Variants in EXOSC10 observed in about 807,000 individuals in gnomAD.
EXOSC10 encodes the protein exosome complex component 10.
A neutral mutation model predicts 126.6 loss-of-function variants in EXOSC10; 94 were observed. The observed-to-expected ratio is 0.74, with a 90% CI of 0.63 to 0.88. EXOSC10 has a LOEUF of 0.88. Among genes scored for constraint, EXOSC10 ranks in the 40% least tolerant of loss-of-function variants. The pLI is 0.00. For missense variants in EXOSC10, 1,041 were observed against 1,100.5 expected, an observed-to-expected ratio of 0.95 and a Z score of 0.77; for synonymous variants, 395 against 400.8, an observed-to-expected ratio of 0.99 and a Z score of 0.17.
chr1:11,082,557 C>G, intron 10 of EXOSC10, 131 bp downstream of exon 10: 2 of 1,508,634 alleles, frequency 1.3e-6, no homozygotes, highest in Non-Finnish European at 1.8e-6. Context: ...CTGAAGATGC[C>G]TGGCGAAAAG....
At chr1:11,088,219 G>A (rs1340141333) in intron 6 of EXOSC10, 21 bp from the exon 7 acceptor site, 2 of 1,560,816 alleles carry the variant, frequency 1.3e-6, no homozygotes, top group Admixed American at 1.8e-5. Flanking sequence ...AAAACAAAAA[G>A]AGAAATCATT....
intron 21 of EXOSC10, among the ~76,000 whole-genome samples, chr1:11,070,183 G>C (rs1369210411): frequency 2.0e-5 from 3 of 149,152 alleles, no homozygotes; most frequent in Non-Finnish European, 4.4e-5. Flanking sequence ...GCTGCAATGA[G>C]CTATAATTGC....
chr1:11,068,889 T>C (rs1335369481), intron 22 of EXOSC10, 183 bp from the exon 23 acceptor site: 2 of 607,022 alleles, frequency 3.3e-6, no homozygotes, highest in Non-Finnish European at 5.9e-6. Context: ...CTGGTCCCTG[T>C]GGGCAGTCTG....
At chr1:11,098,662 T>A (rs1170731970) in intron 1 of EXOSC10, among the ~76,000 whole-genome samples, 2 of 152,248 alleles carry the variant, frequency 1.3e-5, no homozygotes, top group Non-Finnish European at 2.9e-5. Context: ...TGTGTTTTCA[T>A]CTGGATGAGC....
intron 12 of EXOSC10, 78 bp downstream of exon 12, chr1:11,080,686 G>C: frequency 6.3e-7 from 1 of 1,599,356 alleles, no homozygotes; most frequent in Non-Finnish European, 8.5e-7. Flanking sequence ...CATAGCAAAA[G>C]AAAAAAGCCC....
intron 9 of EXOSC10, among the ~76,000 whole-genome samples, chr1:11,086,442 G>A (rs1206189773): frequency 6.6e-6 from 1 of 152,174 alleles, no homozygotes. Context: ...ATGGTAGTTT[G>A]TATTTCTGTG....
intron 18 of EXOSC10, 53 bp downstream of exon 18, chr1:11,074,178 C>G (rs562460034): frequency 6.8e-7 from 1 of 1,472,092 alleles, no homozygotes; most frequent in Non-Finnish European, 9.5e-7. Flanking sequence ...AAAGCATGTA[C>G]AGCTGTAGGC....
chr1:11,096,146 G>A (rs1053954756), intron 2 of EXOSC10, among the ~76,000 whole-genome samples: 15 of 152,036 alleles, frequency 9.9e-5, no homozygotes, highest in Admixed American at 3.9e-4. Context: ...AACAGGTCTG[G>A]TTAATTTTTG....
intron 2 of EXOSC10, among the ~76,000 whole-genome samples, chr1:11,097,356 T>C (rs1257031400): frequency 7.1e-6 from 1 of 141,182 alleles, no homozygotes; most frequent in Non-Finnish European, 1.5e-5. Context: ...CCAGCCTGGG[T>C]GATGGAGCGA....
chr1:11,077,792 C>A (rs552908186), intron 14 of EXOSC10, 141 bp from the exon 15 acceptor site: 5 of 642,780 alleles, frequency 7.8e-6, no homozygotes, highest in Non-Finnish European at 1.1e-5. Flanking sequence ...TCACTCCTTA[C>A]AGTGCCTGGC....
At chr1:11,098,250 T>C in intron 1 of EXOSC10, 94 bp from the exon 2 acceptor site, 5 of 1,391,880 alleles carry the variant, frequency 3.6e-6, no homozygotes, top group Non-Finnish European at 4.7e-6. Context: ...AGGTATCTAC[T>C]CTTCATCCAT....
rs1641220567 is a variant in EXOSC10, at chr1:11,098,150, G to C, written c.118C>G (p.Leu40Val). Residue 40 changes from leucine (L) to valine (V), a missense_variant, in exon 2 of 25, where the codon CTT (leucine) becomes GTT (valine). Around this residue, in one of 3 missense-constraint regions of EXOSC10, gnomAD observed 645 missense variants for 656.3 expected, o/e 0.98. Transcript: ENST00000376936. ...TTGGTGACTGCCACCACGGACCCAA[G>C]AGCAAACTGTCAAAAACAAGAAAAG... The part of the protein sequence containing the change: ...PDADSFVKFA[L>V]GSVVAVTKAS... 1 of 1,599,276 alleles carries C rather than the reference G, an allele frequency of 6.3e-7. No homozygotes were observed.
At chr1:11,090,959 G>C in intron 5 of EXOSC10, 55 bp downstream of exon 5, 1 of 1,574,362 alleles carries the variant, frequency 6.4e-7, no homozygotes, top group South Asian at 1.2e-5. Flanking sequence ...ACCCTTCCTG[G>C]TTTTTGCATC....
Position 11,082,262 on chromosome 1 carries a change from C to T in EXOSC10, c.1280+426G>A, listed in dbSNP as rs114896337. On this transcript the variant is annotated intron_variant, in intron 10 of 24. Transcript: ENST00000376936. Reference sequence around the variant, plus strand: ...ACTGCTACCTTATGCCACAAAAAAACGCTCAGTGTAAAGCTAAACAACAGT... The same window carrying T: ...ACTGCTACCTTATGCCACAAAAAAATGCTCAGTGTAAAGCTAAACAACAGT... 8.0e-3 allele frequency among the ~76,000 whole-genome samples: 1,215 copies of T among 152,006 alleles called. 25 individuals are homozygous for T. The highest frequency in any genetic ancestry group is 0.028 in the African/African-American group (1,144 of 41,468).
chr1:11,081,147 G>T lies in EXOSC10; in HGVS notation c.1372C>A (p.Arg458Ser). Residue 458 changes from arginine to serine, a missense_variant, in exon 11 of 25, where the codon CGC becomes AGC. Around this residue, in one of 3 missense-constraint regions of EXOSC10, gnomAD observed 645 missense variants for 656.3 expected, o/e 0.98. Transcript: ENST00000376936. ...YDKMRLEMWE[R>S]GNGQPVQLQV... ...AGCTGCACCGGCTGCCCGTTGCCGC[G>T]CTCCCACATCTCCAGCCTCATTTTG... 6.2e-7 allele frequency: 1 copy of T among 1,614,148 alleles called. No individual in the cohort carries two copies. Among genetic ancestry groups the T allele is most frequent in the Non-Finnish European group, 8.5e-7 (1 of 1,180,032 alleles).
intron 2 of EXOSC10, among the ~76,000 whole-genome samples, chr1:11,097,256 T>TA (rs1311960490): frequency 1.3e-5 from 2 of 151,102 alleles, no homozygotes; most frequent in Non-Finnish European, 2.9e-5. Context: ...TGTACACCTA[T>TA]AATCCCAGCT....
intron 10 of EXOSC10, among the ~76,000 whole-genome samples, chr1:11,082,017 G>A (rs1640195443): frequency 6.6e-6 from 1 of 151,710 alleles, no homozygotes; most frequent in Non-Finnish European, 1.5e-5. Flanking sequence ...GGGAGGCAGA[G>A]GTTGTGGTGA....
chr1:11,073,965 G>A lies in EXOSC10; in HGVS notation c.2126C>T (p.Ala709Val), dbSNP rs1471324169. 7 of 1,611,950 alleles carry A rather than the reference G, an allele frequency of 4.3e-6. No homozygotes were observed. The highest frequency in any genetic ancestry group is 4.0e-5 in the African/African-American group (3 of 74,508). Residue 709 changes from alanine to valine, a missense_variant, in exon 19 of 25, where the codon GCG (alanine) becomes GTG (valine). Around this residue, in one of 3 missense-constraint regions of EXOSC10, gnomAD observed 388 missense variants for 415.2 expected, o/e 0.93. Transcript: ENST00000376936. ...LGHRAPVSQA[A>V]KFDPSTKIYE... ...GATTTTGGTTGATGGATCGAACTTC[G>A]CTGCCTGAGAGACGGGAGCACGGTG...
At chr1:11,099,624 TC>T in intron 1 of EXOSC10, 96 bp downstream of exon 1, 1 of 1,344,806 alleles carries the variant, frequency 7.4e-7, no homozygotes, top group South Asian at 1.5e-5. Flanking sequence ...TCGCTCGGGC[TC>T]CACTACGGCG....
Sources: gnomAD v4.1 joint callset for allele counts (sites outside exome capture counted in the v4.1 genomes callset) on GRCh38, gnomAD v4.1.1 for gene constraint, gnomAD v4.1.1 regional missense constraint, MANE v1.5 for transcripts, NCBI Gene and HGNC (gene_info 2026-07-23, HGNC 2026-07-21) for gene names.